Variants in TNFRSF4 observed in about 807,000 individuals in gnomAD.
TNFRSF4 encodes the protein TNF receptor superfamily member 4, also known as tumor necrosis factor receptor superfamily member 4.
TNFRSF4 carries 21 observed loss-of-function variants against 29.5 expected under a neutral mutation model. The ratio of observed to expected loss-of-function variants is 0.71; its 90% CI spans 0.51 to 1.03. The LOEUF is 1.03. Among genes scored for constraint, TNFRSF4 ranks in the 50% least tolerant of loss-of-function variants. The pLI is 0.00. For synonymous variants in TNFRSF4, 197 were observed against 172.7 expected, an observed-to-expected ratio of 1.14 and a Z score of -1.10; for missense variants, 408 against 387.8, an observed-to-expected ratio of 1.05 and a Z score of -0.44.
Position 1,213,782 on chromosome 1 carries a change from T to C in TNFRSF4, c.149A>G (p.Asn50Ser), listed in dbSNP as rs768175804. The C allele has an allele frequency of 1.9e-6, 3 of 1,598,140 alleles. No homozygotes were observed. Among genetic ancestry groups the C allele is most frequent in the East Asian group, 2.3e-5 (1 of 44,190 alleles). ...DRCCHECRPG[N>S]GMVSRCSRSQ... Reference sequence around the variant, plus strand: ...GCGGCTGCAGCGGCTCACCATCCCGTTGCCTGCAGCAGAGGCCGGCGTCAG... The same window carrying C: ...GCGGCTGCAGCGGCTCACCATCCCGCTGCCTGCAGCAGAGGCCGGCGTCAG... Residue 50 changes from asparagine (N) to serine (S), a missense_variant, in exon 2 of 7, where the codon AAC becomes AGC. Coordinates refer to ENST00000379236, the MANE Select transcript of TNFRSF4 (RefSeq NM_003327.4).
At chr1:1,212,810 G>A (rs1472121273) in intron 3 of TNFRSF4, 106 bp from the exon 4 acceptor site, 1 of 1,256,402 alleles carries the variant, frequency 8.0e-7, no homozygotes, top group Non-Finnish European at 1.1e-6. Context: ...CTGGGTGGTG[G>A]GTTTGGCCTC....
chr1:1,212,248 G>C (rs1649175299), intron 4 of TNFRSF4, 110 bp from the exon 5 acceptor site: 1 of 1,267,318 alleles, frequency 7.9e-7, no homozygotes. Context: ...ATCTACCACA[G>C]ACACCAGGCC....
In TNFRSF4 at chr1:1,214,133, T is replaced by A; in HGVS notation, c.-6A>T. ...CGCCGAGCCCCCACGCACATCCTCG[T>A]CTCTGCTGTCGCCAGAGTCTGGGTT... On this transcript the variant is annotated 5_prime_UTR_variant, in exon 1 of 7. Coordinates refer to ENST00000379236, the MANE Select transcript of TNFRSF4 (RefSeq NM_003327.4). The surrounding 1 kb of genome is among the most constrained non-coding windows in gnomAD (Gnocchi z 4.2). The A allele has an allele frequency of 6.4e-7, 1 of 1,574,032 alleles. No individual in the cohort carries two copies. Among genetic ancestry groups the A allele is most frequent in the Non-Finnish European group, 8.6e-7 (1 of 1,166,694 alleles).
chr1:1,212,806 G>T, intron 3 of TNFRSF4, 102 bp from the exon 4 acceptor site: 1 of 1,260,344 alleles, frequency 7.9e-7, no homozygotes, highest in Non-Finnish European at 1.1e-6. Flanking sequence ...ATGGCTGGGT[G>T]GTGGGTTTGG....
intron 2 of TNFRSF4, 153 bp downstream of exon 2, chr1:1,213,510 C>T (rs1339862621): frequency 4.1e-6 from 6 of 1,465,870 alleles, no homozygotes; most frequent in Non-Finnish European, 5.4e-6. Context: ...GACGCCTCAG[C>T]TCCTCGAAGG....
intron 1 of TNFRSF4, 38 bp downstream of exon 1, chr1:1,213,944 TG>T: frequency 7.8e-7 from 1 of 1,288,768 alleles, no homozygotes. Flanking sequence ...CCCCAGTCCC[TG>T]GAGTGCCCGT....
rs1265609853 is a variant in TNFRSF4, at chr1:1,211,441, CAG to C, written c.*112_*113del. 9.1e-7 allele frequency: 1 copy of C among 1,104,054 alleles called. No individual in the cohort carries two copies. The highest frequency in any genetic ancestry group is 1.6e-5 in the African/African-American group (1 of 60,974). 68.4% of individuals were successfully genotyped at this position (1,104,054 alleles called of 1,614,324 possible). ...GCAGCCATCGGCACCTAGAACGGTG[CAG>C]AGTTGGCCCAGGAGCGTGGCGGGGC... On this transcript the variant is annotated 3_prime_UTR_variant, in exon 7 of 7. Coordinates refer to ENST00000379236, the MANE Select transcript of TNFRSF4 (RefSeq NM_003327.4).
At position 1,213,046 on chromosome 1, in the gene TNFRSF4, CTG is replaced by C. The variant is rs1388272030; in HGVS notation, c.314_315del (p.Thr105SerfsTer19). 5 of 1,611,512 alleles carry C rather than the reference CTG, an allele frequency of 3.1e-6. No homozygotes were observed. The highest frequency in any genetic ancestry group is 4.2e-6 in the Non-Finnish European group (5 of 1,179,534). On this transcript the variant is annotated frameshift_variant, in exon 3 of 7. Coordinates refer to ENST00000379236, the MANE Select transcript of TNFRSF4 (RefSeq NM_003327.4). LOFTEE classifies it high-confidence loss of function. ...RKQLCTATQDTVCRCRAGTQP... is the reference protein window; with the variant it reads ...RKQLCTATQDXVCRCRAGTQP... ...TGGGTGCCCGCCCGGCAGCGGCAGA[CTG>C]TGTCCTGTGTGGCCGTGCACAGCTG...
In TNFRSF4 at chr1:1,212,035, C is replaced by G; in HGVS notation, c.541G>C (p.Gly181Arg). The G allele has an allele frequency of 2.5e-6, 4 of 1,611,324 alleles. No individual in the cohort carries two copies. The highest frequency in any genetic ancestry group is 3.4e-6 in the Non-Finnish European group (4 of 1,179,250). Residue 181 changes from glycine to arginine, a missense_variant, in exon 5 of 7, where the codon GGC becomes CGC. Transcript: ENST00000379236. ...PPATQPQETQGPPARPITVQP... is the reference protein window; with the variant it reads ...PPATQPQETQRPPARPITVQP... ...ACAGTGATGGGCCTGGCCGGGGGGC[C>G]CTGGGTCTCCTGGGGCTGCGTGGCT...
chr1:1,213,787 T>C lies in TNFRSF4; in HGVS notation c.146-2A>G, dbSNP rs983879173. 12 of 1,596,042 alleles carry C rather than the reference T, an allele frequency of 7.5e-6. No individual in the cohort carries two copies. The highest frequency in any genetic ancestry group is 1.0e-5 in the Non-Finnish European group (12 of 1,173,434). On this transcript the variant is annotated splice_acceptor_variant, in intron 1 of 6. Transcript: ENST00000379236. LOFTEE classifies it high-confidence loss of function. ...TGCAGCGGCTCACCATCCCGTTGCCTGCAGCAGAGGCCGGCGTCAGGCAGC... is the reference window on the plus strand; with the variant it reads ...TGCAGCGGCTCACCATCCCGTTGCCCGCAGCAGAGGCCGGCGTCAGGCAGC...
At chr1:1,213,201 G>A (rs1216335135) in intron 2 of TNFRSF4, 108 bp from the exon 3 acceptor site, 51 of 1,535,826 alleles carry the variant, frequency 3.3e-5, no homozygotes, top group Middle Eastern at 1.7e-4. Context: ...ACAGAGGGCC[G>A]TGGGCAGGGG....
Position 1,211,591 on chromosome 1 carries a change from C to T in TNFRSF4, c.798G>A (p.Glu266=), listed in dbSNP as rs1557505168. 1.3e-6 allele frequency: 2 copies of T among 1,524,950 alleles called. No individual in the cohort carries two copies. Among genetic ancestry groups the T allele is most frequent in the African/African-American group, 2.8e-5 (2 of 70,976 alleles). The allele number at this position is 1,524,950 out of a possible 1,614,324, so 94.5% of individuals were successfully genotyped here. Residue 266 remains glutamate (E), a synonymous_variant, in exon 7 of 7, where the codon GAG becomes GAA. Coordinates refer to ENST00000379236, the MANE Select transcript of TNFRSF4 (RefSeq NM_003327.4). ...GGSFRTPIQE[E]QADAHSTLAK... is the part of the protein sequence containing the mutation. ...CCAGGGTGGAGTGGGCGTCGGCCTG[C>T]TCCTCTTGGATGGGGGTCCGGAAAC...
Position 1,211,498 on chromosome 1 carries a change from G to A in TNFRSF4, c.*57C>T, listed in dbSNP as rs1484554543. On this transcript the variant is annotated 3_prime_UTR_variant, in exon 7 of 7. Coordinates refer to ENST00000379236, the MANE Select transcript of TNFRSF4 (RefSeq NM_003327.4). ...GGCCTGCACCTGCCCTGCTCGCCCA[G>A]CAGACCCTCCGGGCTCCAGCCTGGC... 6 of 1,455,588 alleles carry A rather than the reference G, an allele frequency of 4.1e-6. No homozygotes were observed. The highest frequency in any genetic ancestry group is 5.4e-6 in the Non-Finnish European group (6 of 1,106,008). 90.2% of individuals were successfully genotyped at this position (1,455,588 alleles called of 1,614,324 possible). A position where few individuals can be genotyped will look rare whatever the true frequency, so the allele number is the denominator to read the frequency against.
At position 1,211,481 on chromosome 1, in the gene TNFRSF4, C is replaced by G. The variant is rs964907405; in HGVS notation, c.*74G>C. The G allele has an allele frequency of 7.1e-7, 1 of 1,400,166 alleles. No homozygotes were observed. The highest frequency in any genetic ancestry group is 9.3e-7 in the Non-Finnish European group (1 of 1,070,938). The allele number at this position is 1,400,166 out of a possible 1,614,324, so 86.7% of individuals were successfully genotyped here. ...AGCGTGGCGGGGCAGGCGGCCTGCA[C>G]CTGCCCTGCTCGCCCAGCAGACCCT... is the stretch of plus-strand genomic sequence containing the variant. On this transcript the variant is annotated 3_prime_UTR_variant, in exon 7 of 7. Transcript: ENST00000379236.
intron 1 of TNFRSF4, 57 bp downstream of exon 1, chr1:1,213,926 G>GCCCCAGC: frequency 7.0e-7 from 1 of 1,420,930 alleles, no homozygotes; most frequent in Non-Finnish European, 9.3e-7. Flanking sequence ...GCCCATCCCT[G>GCCCCAGC]CCCCAGCCCC....
At chr1:1,212,344 C>T (rs1267348578) in intron 4 of TNFRSF4, among the ~76,000 whole-genome samples, 1 of 152,074 alleles carries the variant, frequency 6.6e-6, no homozygotes. Context: ...ATCTACACCC[C>T]CCACCAGCAC....
intron 2 of TNFRSF4, 183 bp downstream of exon 2, chr1:1,213,480 G>A (rs1196724111): frequency 1.0e-5 from 15 of 1,476,212 alleles, no homozygotes; most frequent in Non-Finnish European, 1.3e-5. Flanking sequence ...CCCCCGGAGG[G>A]AGAGGGGGTG....
rs1020653313 is a variant in TNFRSF4 at position 1,214,111 on chromosome 1, C to T, written c.17G>A (p.Arg6Gln). 1.6e-5 allele frequency: 26 copies of T among 1,581,886 alleles called. No homozygotes were observed. Among genetic ancestry groups the T allele is most frequent in the African/African-American group, 1.2e-4 (9 of 74,474 alleles). Residue 6 changes from arginine (R) to glutamine (Q), a missense_variant, in exon 1 of 7, where the codon CGG becomes CAG. Coordinates refer to ENST00000379236, the MANE Select transcript of TNFRSF4 (RefSeq NM_003327.4). The surrounding 1 kb of genome is among the most constrained non-coding windows in gnomAD (Gnocchi z 4.2). MCVGARRLGRGPCAAL... is the reference protein window; with the variant it reads MCVGAQRLGRGPCAAL... Reference sequence around the variant, plus strand: ...CGCACACGGCCCGCGGCCCAGCCGCCGAGCCCCCACGCACATCCTCGTCTC... The same window carrying T: ...CGCACACGGCCCGCGGCCCAGCCGCTGAGCCCCCACGCACATCCTCGTCTC...
At position 1,213,181 on chromosome 1, in the gene TNFRSF4, T is replaced by C. The variant is rs553803782; in HGVS notation, c.269-88A>G. The C allele has an allele frequency of 1.2e-5, 18 of 1,538,778 alleles. No homozygotes were observed. The Admixed American group carries it at 3.1e-4, about 27-fold the overall frequency. On this transcript the variant is annotated intron_variant, in intron 2 of 6. Coordinates refer to ENST00000379236, the MANE Select transcript of TNFRSF4 (RefSeq NM_003327.4). ...GTGGGCACTGGAGGACAGGTTGGCCTCCCCACCACACAGAGGGCCGTGGGC... is the reference window on the plus strand; with the variant it reads ...GTGGGCACTGGAGGACAGGTTGGCCCCCCCACCACACAGAGGGCCGTGGGC...
Sources: allele counts gnomAD v4.1 joint callset (sites outside exome capture counted in the v4.1 genomes callset), GRCh38; gene constraint gnomAD v4.1.1; non-coding constraint Gnocchi (gnomAD v3.1); transcripts MANE v1.5; gene names NCBI Gene and HGNC (gene_info 2026-07-23, HGNC 2026-07-21).